TOPAZ1: variants seen among roughly 807,000 people sequenced by gnomAD.
The protein encoded by TOPAZ1 is testis and ovary specific TOPAZ 1.
Under a neutral mutation model 172.2 loss-of-function variants are expected in TOPAZ1, and 66 were observed. The observed-to-expected ratio is 0.38, with a 90% CI of 0.31 to 0.47. TOPAZ1 has a LOEUF of 0.47. Ranked by LOEUF, TOPAZ1 falls within the 20% of genes least tolerant of loss-of-function variation. The pLI, the probability that TOPAZ1 is intolerant of heterozygous loss-of-function variation, is 0.99. For synonymous variants in TOPAZ1, 681 were observed against 683.9 expected (o/e 1.00, Z 0.07); for missense variants, 1,822 against 1,972.4 (o/e 0.92, Z 1.44).
At chr3:44,324,270 G>A (rs1160752213) in intron 18 of TOPAZ1, among the ~76,000 whole-genome samples, 18 of 152,136 alleles carry the variant, frequency 1.2e-4, no homozygotes, top group Admixed American at 1.2e-3. Context: ...AAGAAGTTTT[G>A]AAAGCTGAGT....
intron 12 of TOPAZ1, among the ~76,000 whole-genome samples, chr3:44,291,412 C>T (rs1700136204): frequency 6.6e-6 from 1 of 151,088 alleles, no homozygotes; most frequent in Non-Finnish European, 1.5e-5. Context: ...ACCATCCTGA[C>T]CAACATGGTG....
At chr3:44,249,533 C>A (rs1699605262) in intron 2 of TOPAZ1, among the ~76,000 whole-genome samples, 1 of 152,110 alleles carries the variant, frequency 6.6e-6, no homozygotes, top group Non-Finnish European at 1.5e-5. Context: ...GGTAGAATCC[C>A]TTATGCATTC....
rs1700321779 is a variant in TOPAZ1, at chr3:44,305,270, A to C, written c.3988A>C (p.Asn1330His). The C allele has an allele frequency of 3.2e-6, 5 of 1,543,702 alleles. No individual in the cohort carries two copies. The South Asian group carries it at 6.1e-5, about 19-fold the overall frequency. Residue 1330 changes from asparagine to histidine, a missense_variant, in exon 14 of 20, where the codon AAC becomes CAC. Coordinates refer to ENST00000309765, the MANE Select transcript of TOPAZ1 (RefSeq NM_001145030.2). ...TTGCATTGCTGAAACACTCACAAAA[A>C]ACTATGAAGATGAAAGACCAGATAT... ...CACIAETLTK[N>H]YEDERPDIPF...
At chr3:44,325,643 C>CT (rs747058832) in intron 18 of TOPAZ1, among the ~76,000 whole-genome samples, 125 of 144,134 alleles carry the variant, frequency 8.7e-4, no homozygotes, top group Non-Finnish European at 1.1e-3. Context: ...TAGTGACTGG[C>CT]TTTTTTTTTT....
At chr3:44,296,983 C>T (rs1384808304) in intron 12 of TOPAZ1, among the ~76,000 whole-genome samples, 1 of 151,226 alleles carries the variant, frequency 6.6e-6, no homozygotes, top group Admixed American at 6.6e-5. Context: ...ACCAACCTGA[C>T]TAACATGGTG....
chr3:44,290,034 G>A (rs548931685), intron 11 of TOPAZ1, among the ~76,000 whole-genome samples: 6 of 152,214 alleles, frequency 3.9e-5, no homozygotes, highest in African/African-American at 1.2e-4. Flanking sequence ...AAGTATTATG[G>A]AGGTATTGGA....
At chr3:44,295,983 CA>C (rs1170578523) in intron 12 of TOPAZ1, among the ~76,000 whole-genome samples, 2 of 152,014 alleles carry the variant, frequency 1.3e-5, no homozygotes, top group African/African-American at 4.8e-5. Context: ...TCATAAACCT[CA>C]AAAAATTTAA....
At chr3:44,305,033 A>C in intron 13 of TOPAZ1, 114 bp from the exon 14 acceptor site, 1 of 707,800 alleles carries the variant, frequency 1.4e-6, no homozygotes, top group Middle Eastern at 4.1e-4. Flanking sequence ...ATTTTGTCTT[A>C]TTAATTTATG....
intron 12 of TOPAZ1, among the ~76,000 whole-genome samples, chr3:44,291,594 A>AAAAT (rs573271852): frequency 1.7e-4 from 26 of 151,916 alleles, no homozygotes; most frequent in Non-Finnish European, 3.7e-4. Flanking sequence ...CTCCGTCTCA[A>AAAAT]AAATAAATAA....
Position 44,328,414 on chromosome 3 carries a change from C to A in TOPAZ1, c.4840C>A (p.Leu1614Met). ...IQSPGTSTQI[L>M]QIVLKRCEDN... is the part of the protein sequence containing the mutation. ...GAGTCCTGGAACTTCTACACAGATA[C>A]TGCAGATAGTTTTGAAAAGGTTGGT... is the stretch of plus-strand genomic sequence containing the variant. Residue 1614 changes from leucine (L) to methionine (M), a missense_variant, in exon 19 of 20, where the codon CTG becomes ATG. By Grantham distance (15) the Leu-to-Met change is conservative. This residue lies in a region of TOPAZ1 where 333 missense variants were observed against 481.7 expected (regional missense o/e 0.69). Transcript: ENST00000309765. The A allele has an allele frequency of 1.3e-6, 2 of 1,510,192 alleles. No homozygotes were observed. The highest frequency in any genetic ancestry group is 1.8e-6 in the Non-Finnish European group (2 of 1,133,334). The allele number at this position is 1,510,192 out of a possible 1,614,324, so 93.5% of individuals were successfully genotyped here.
intron 12 of TOPAZ1, among the ~76,000 whole-genome samples, chr3:44,297,692 A>G (rs981034851): frequency 2.0e-5 from 3 of 152,130 alleles, no homozygotes; most frequent in African/African-American, 7.2e-5. Flanking sequence ...AAGAAATAAA[A>G]CTGTCCGTAT....
chr3:44,249,113 G>T (rs1699599671), intron 2 of TOPAZ1, among the ~76,000 whole-genome samples: 3 of 152,032 alleles, frequency 2.0e-5, no homozygotes, highest in Non-Finnish European at 4.4e-5. Context: ...GTCAGTGCTG[G>T]ACAGTTAATC....
chr3:44,251,941 T>C (rs1699637251), intron 2 of TOPAZ1, among the ~76,000 whole-genome samples: 1 of 152,188 alleles, frequency 6.6e-6, no homozygotes, highest in African/African-American at 2.4e-5. Flanking sequence ...TTGTATAAGT[T>C]ACAATTTTTC....
intron 13 of TOPAZ1, among the ~76,000 whole-genome samples, chr3:44,304,490 A>G (rs1288547321): frequency 6.6e-6 from 1 of 152,236 alleles, no homozygotes; most frequent in African/African-American, 2.4e-5. Context: ...CATTTAGAGT[A>G]TAAGAAATGA....
chr3:44,264,516 T>C (rs987859627), intron 5 of TOPAZ1, among the ~76,000 whole-genome samples: 2 of 152,224 alleles, frequency 1.3e-5, no homozygotes, highest in Admixed American at 6.5e-5. Context: ...TGGATGTTGA[T>C]GGCTGCTTAC....
downstream of TOPAZ1, among the ~76,000 whole-genome samples, chr3:44,334,400 A>C (rs1459162901): frequency 6.6e-6 from 1 of 152,300 alleles, no homozygotes; most frequent in East Asian, 1.9e-4. Flanking sequence ...TGAGGGGATA[A>C]GTCACATTTT....
Position 44,269,234 on chromosome 3 carries a change from A to C in TOPAZ1, c.3179A>C (p.Lys1060Thr). ...TTTCTAGATTTCAGATTTCTGGGAA[A>C]ACATTCTGTCCTAAAGCTGCAGAAT... Reference protein sequence around the residue: ...TWMNDFRFLGKHSVLKLQNPE... With the variant: ...TWMNDFRFLGTHSVLKLQNPE... Residue 1060 changes from lysine to threonine, a missense_variant, in exon 7 of 20, where the codon AAA becomes ACA. Coordinates refer to ENST00000309765, the MANE Select transcript of TOPAZ1 (RefSeq NM_001145030.2). 1 of 1,548,376 alleles carries C rather than the reference A, an allele frequency of 6.5e-7. No individual in the cohort carries two copies. The highest frequency in any genetic ancestry group is 2.4e-5 in the East Asian group (1 of 40,876).
At chr3:44,252,118 A>T (rs950132878) in intron 2 of TOPAZ1, among the ~76,000 whole-genome samples, 6 of 152,218 alleles carry the variant, frequency 3.9e-5, no homozygotes, top group African/African-American at 1.4e-4. Context: ...AAATTATACT[A>T]GCAGTATTAT....
At chr3:44,258,640 G>A (rs373304724) in intron 4 of TOPAZ1, among the ~76,000 whole-genome samples, 2 of 151,816 alleles carry the variant, frequency 1.3e-5, no homozygotes, top group African/African-American at 4.8e-5. Context: ...GCATATATCG[G>A]TAGTTCATTC....
Sources: allele counts gnomAD v4.1 joint callset (sites outside exome capture counted in the v4.1 genomes callset), GRCh38; gene constraint gnomAD v4.1.1; regional missense constraint gnomAD v4.1.1; transcripts MANE v1.5; gene names NCBI Gene and HGNC (gene_info 2026-07-23, HGNC 2026-07-21).